CNR2: variants seen among roughly 807,000 people sequenced by gnomAD.
CNR2 encodes cannabinoid receptor 2 (macrophage).
For missense variants in CNR2, 379 were observed against 439.9 expected (o/e 0.86, Z 1.24); for synonymous variants, 172 against 182.2 (o/e 0.94, Z 0.45).
At chr1:23,900,161 C>T (rs1273405073) in intron 1 of CNR2, among the ~76,000 whole-genome samples, 1 of 151,672 alleles carries the variant, frequency 6.6e-6, no homozygotes, top group East Asian at 2.0e-4. Flanking sequence ...GATCTTGTGG[C>T]CCCCACCCAG....
rs758098620 is a variant in CNR2, at chr1:23,881,101, C to T, written c.-45-5439G>A. On this transcript the variant is annotated intron_variant, in intron 1 of 1. Transcript: ENST00000374472. ...GACCAGCCTGGCCAACATGGTGAAA[C>T]TCCATCTCTACTAAAAATACAAAAA... 3.4e-3 allele frequency among the ~76,000 whole-genome samples: 506 copies of T among 150,446 alleles called. 2 individuals are homozygous for T. The highest frequency in any genetic ancestry group is 5.1e-3 in the Non-Finnish European group (344 of 67,648).
In CNR2 at chr1:23,913,059, C is replaced by T. The variant is rs144200557; in HGVS notation, c.-46+187G>A. ...GTGCACACCTGTAATCCCAACTACA[C>T]GGGAGGCTGAGGCAGGAGAATCGCT... On this transcript the variant is annotated intron_variant, in intron 1 of 1. Coordinates refer to ENST00000374472, the MANE Select transcript of CNR2 (RefSeq NM_001841.3). Among the ~76,000 whole-genome samples the T allele has an allele frequency of 9.1e-3, 1,310 of 144,244 alleles. 19 individuals carry two copies. The highest frequency in any genetic ancestry group is 0.03 in the African/African-American group (1,181 of 39,362). 94.6% of individuals were successfully genotyped at this position (144,244 alleles called of 152,430 possible).
intron 1 of CNR2, among the ~76,000 whole-genome samples, chr1:23,880,228 A>T (rs187525407): frequency 7.9e-6 from 1 of 127,308 alleles, no homozygotes; most frequent in Admixed American, 1.0e-4. Context: ...CCTAGGCTGG[A>T]GTGCAGTGGC....
At chr1:23,911,249 G>C (rs1173985343) in intron 1 of CNR2, among the ~76,000 whole-genome samples, 3 of 151,998 alleles carry the variant, frequency 2.0e-5, no homozygotes, top group Non-Finnish European at 4.4e-5. Flanking sequence ...CCGAGGTCTT[G>C]GGCACCTAGA....
rs542405361 is a variant in CNR2, at chr1:23,891,635, A to AAAG, written c.-45-15974_-45-15973insCTT. Among the ~76,000 whole-genome samples, 1,198 of 130,982 alleles carry AAAG rather than the reference A, an allele frequency of 9.1e-3. 76 individuals carry two copies. The highest frequency in any genetic ancestry group is 0.027 in the African/African-American group (929 of 34,836). The allele number at this position is 130,982 out of a possible 152,430, so 85.9% of individuals were successfully genotyped here. A position where few individuals can be genotyped will look rare whatever the true frequency, so the allele number is the denominator to read the frequency against. ...ACTCCATCTCAAAAAAAAAAAAAAA[A>AAAG]AAAGCCCAAATCTTACCTCTTTTTA... On this transcript the variant is annotated intron_variant, in intron 1 of 1. Coordinates refer to ENST00000374472, the MANE Select transcript of CNR2 (RefSeq NM_001841.3).
At chr1:23,893,107 C>G (rs1313637929) in intron 1 of CNR2, among the ~76,000 whole-genome samples, 1 of 152,188 alleles carries the variant, frequency 6.6e-6, no homozygotes, top group Non-Finnish European at 1.5e-5. Flanking sequence ...TCTCTAATGT[C>G]TACGGGTTAT....
At chr1:23,881,047 G>A (rs61265525) in intron 1 of CNR2, among the ~76,000 whole-genome samples, 1,885 of 151,490 alleles carry the variant, frequency 0.012, 47 homozygotes, top group African/African-American at 0.043. Flanking sequence ...AGACCAAGGC[G>A]GGCAGATCAC....
At chr1:23,909,707 T>A (rs541540721) in intron 1 of CNR2, among the ~76,000 whole-genome samples, 1 of 152,100 alleles carries the variant, frequency 6.6e-6, no homozygotes, top group East Asian at 1.9e-4. Flanking sequence ...TCCCTCCAAT[T>A]TCCTCCCCAG....
intron 1 of CNR2, chr1:23,902,014 C>T: frequency 6.2e-7 from 1 of 1,604,364 alleles, no homozygotes; most frequent in South Asian, 1.1e-5. Context: ...GGGTCTCCTC[C>T]AGAGTCAGGA....
At chr1:23,876,960 A>G (rs1413532878) in intron 1 of CNR2, among the ~76,000 whole-genome samples, 3 of 152,196 alleles carry the variant, frequency 2.0e-5, no homozygotes, top group Non-Finnish European at 4.4e-5. Flanking sequence ...CATTATTAGA[A>G]AGCAAACTAA....
chr1:23,881,778 T>G (rs1437721796), intron 1 of CNR2, among the ~76,000 whole-genome samples: 1 of 151,190 alleles, frequency 6.6e-6, no homozygotes, highest in Non-Finnish European at 1.5e-5. Flanking sequence ...TGATTCCAGC[T>G]AGTCGGGAGG....
chr1:23,885,608 G>A (rs138827231), intron 1 of CNR2, among the ~76,000 whole-genome samples: 31 of 152,232 alleles, frequency 2.0e-4, no homozygotes, highest in Middle Eastern at 3.4e-3. Flanking sequence ...GGCCGGGCGC[G>A]GCGGCTCACA....
chr1:23,876,788 C>T (rs997546176), intron 1 of CNR2, among the ~76,000 whole-genome samples: 19 of 149,234 alleles, frequency 1.3e-4, no homozygotes, highest in African/African-American at 4.7e-4. Flanking sequence ...TGAGCCGAGA[C>T]TGTGCCATTG....
chr1:23,902,767 G>A, intron 1 of CNR2: 1 of 1,497,656 alleles, frequency 6.7e-7, no homozygotes, highest in Non-Finnish European at 8.9e-7. Context: ...TCTCCGGGTG[G>A]TTGTTGCCAA....
intron 1 of CNR2, among the ~76,000 whole-genome samples, chr1:23,887,000 G>A (rs1201543934): frequency 6.6e-6 from 1 of 152,150 alleles, no homozygotes; most frequent in African/African-American, 2.4e-5. Flanking sequence ...GTGCCTCCCG[G>A]GTTCAAGTGA....
rs901030791 is a variant in CNR2, at chr1:23,872,889, C to T, written c.*1646G>A. Reference sequence around the variant, plus strand: ...TTGTTGTACTGCCTGTAATTATCTTCTTTATTGACTTATTGGCTGTCTTGC... The same window carrying T: ...TTGTTGTACTGCCTGTAATTATCTTTTTTATTGACTTATTGGCTGTCTTGC... On this transcript the variant is annotated 3_prime_UTR_variant, in exon 2 of 2. Transcript: ENST00000374472. 1 of 152,166 alleles carries T rather than the reference C, an allele frequency of 6.6e-6. No homozygotes were observed. Among genetic ancestry groups the T allele is most frequent in the Admixed American group, 6.6e-5 (1 of 15,258 alleles). 9.4% of individuals were successfully genotyped at this position (152,166 alleles called of 1,614,324 possible).
At position 23,874,310 on chromosome 1, in the gene CNR2, T is replaced by C. The variant is rs1105; in HGVS notation, c.*225A>G. On this transcript the variant is annotated 3_prime_UTR_variant, in exon 2 of 2. Transcript: ENST00000374472. ...TGTCCCAGGCCTTTTGTGTCTCGCC[T>C]ACCTGGCTACTCCTCGTGGCCCTAC... 0.61 allele frequency: 315,739 copies of C among 521,622 alleles called. 97,066 individuals carry two copies. Among genetic ancestry groups the C allele is most frequent in the African/African-American group, 0.76 (39,665 of 52,504 alleles). 32.3% of individuals were successfully genotyped at this position (521,622 alleles called of 1,614,324 possible).
At chr1:23,880,112 C>T (rs992322022) in intron 1 of CNR2, among the ~76,000 whole-genome samples, 3 of 151,900 alleles carry the variant, frequency 2.0e-5, no homozygotes, top group Admixed American at 1.3e-4. Context: ...AGTCTTTGCC[C>T]AGATCTTACT....
intron 1 of CNR2, among the ~76,000 whole-genome samples, chr1:23,890,609 G>T (rs1373910704): frequency 6.6e-6 from 1 of 151,906 alleles, no homozygotes; most frequent in Non-Finnish European, 1.5e-5. Context: ...GCCGGGCGTG[G>T]TGGTGCACTC....
Sources: allele counts gnomAD v4.1 joint callset (sites outside exome capture counted in the v4.1 genomes callset), GRCh38; gene constraint gnomAD v4.1.1; transcripts MANE v1.5; gene names NCBI Gene and HGNC (gene_info 2026-07-23, HGNC 2026-07-21).